Variants in AXDND1 observed in about 807,000 individuals in gnomAD.
AXDND1 encodes axonemal dynein light chain domain-containing protein 1.
In AXDND1, 110 loss-of-function variants were observed where a neutral mutation model predicts 137.5. That is an observed-to-expected ratio of 0.80 (90% CI 0.69 to 0.94). The LOEUF is 0.94. Among genes scored for constraint, AXDND1 ranks in the 40% least tolerant of loss-of-function variants. The pLI is 0.00. For missense variants in AXDND1, 1,191 were observed against 1,169.8 expected (o/e 1.02, Z -0.26); for synonymous variants, 414 against 399.7 (o/e 1.04, Z -0.43).
At chr1:179,444,931 G>A (rs1390564848) in intron 15 of AXDND1, 39 bp from the exon 16 acceptor site, 10 of 1,426,504 alleles carry the variant, frequency 7.0e-6, no homozygotes, top group African/African-American at 1.4e-5. Context: ...ACTCATTAGT[G>A]GATAATATGC....
chr1:179,542,496 G>A (rs1672262226), intron 25 of AXDND1, among the ~76,000 whole-genome samples: 1 of 152,130 alleles, frequency 6.6e-6, no homozygotes, highest in African/African-American at 2.4e-5. Context: ...CTGACAATCA[G>A]TCCTTAGTTT....
At chr1:179,369,888 A>T in intron 3 of AXDND1, 87 bp from the exon 4 acceptor site, 1 of 996,668 alleles carries the variant, frequency 1.0e-6, no homozygotes, top group East Asian at 2.6e-5. Context: ...CTTAATGTAA[A>T]TACAGTACTT....
chr1:179,488,416 T>G (rs12723078), intron 18 of AXDND1, among the ~76,000 whole-genome samples: 73,178 of 146,564 alleles, frequency 0.5, 21,432 homozygotes, highest in East Asian at 0.76. Context: ...ATGTGTGTGG[T>G]TTTTTTTGTT....
intron 21 of AXDND1, among the ~76,000 whole-genome samples, 167 bp downstream of exon 21, chr1:179,509,570 G>A (rs1668834066): frequency 6.6e-6 from 1 of 152,028 alleles, no homozygotes; most frequent in South Asian, 2.1e-4. Context: ...TTCCCTCTAA[G>A]GAATAGAATC....
chr1:179,516,844 T>C (rs909604700), intron 21 of AXDND1, among the ~76,000 whole-genome samples: 2 of 152,162 alleles, frequency 1.3e-5, no homozygotes, highest in Non-Finnish European at 2.9e-5. Flanking sequence ...CCAGCACCTG[T>C]TCTAGTGGAG....
At chr1:179,469,010 A>T (rs1244820926) in intron 17 of AXDND1, among the ~76,000 whole-genome samples, 1 of 151,836 alleles carries the variant, frequency 6.6e-6, no homozygotes, top group Non-Finnish European at 1.5e-5. Context: ...GCTCACTGCA[A>T]CCTCTACCTC....
At chr1:179,497,274 C>T (rs1667536967) in intron 20 of AXDND1, among the ~76,000 whole-genome samples, 1 of 151,990 alleles carries the variant, frequency 6.6e-6, no homozygotes, top group South Asian at 2.1e-4. Flanking sequence ...AGTATTGAAA[C>T]CTTGACTATA....
rs543705768 is a variant in AXDND1 at position 179,393,255 on chromosome 1, T to C, written c.864-648T>C. On this transcript the variant is annotated intron_variant, in intron 9 of 25. Transcript: ENST00000367618. Reference sequence around the variant, plus strand: ...TCCCCACATTATGTTTTTGTATGCTTTGTTGCAGATCAGTTGGCTGTAAGT... The same window carrying C: ...TCCCCACATTATGTTTTTGTATGCTCTGTTGCAGATCAGTTGGCTGTAAGT... 2.0e-5 allele frequency among the ~76,000 whole-genome samples: 3 copies of C among 152,292 alleles called. No individual in the cohort carries two copies. In the East Asian group the frequency reaches 5.8e-4, roughly 29 times the overall value.
intron 16 of AXDND1, chr1:179,451,443 T>A (rs1267935912): frequency 6.6e-6 from 1 of 152,178 alleles, no homozygotes; most frequent in Non-Finnish European, 1.5e-5. Context: ...GAGTCTTAAT[T>A]TTTTCTTGGT....
Position 179,483,222 on chromosome 1 carries a change from G to T in AXDND1, c.2091+1G>T. On this transcript the variant is annotated splice_donor_variant, in intron 18 of 25. Coordinates refer to ENST00000367618, the MANE Select transcript of AXDND1 (RefSeq NM_144696.6). LOFTEE classifies it high-confidence loss of function. ...CGGTAACATTGAACTTCAGCACCAC[G>T]TATGTACTTGTAAGGGTTTTTGACG... is the stretch of plus-strand genomic sequence containing the variant. The T allele has an allele frequency of 2.5e-6, 4 of 1,585,206 alleles. No individual in the cohort carries two copies. Among genetic ancestry groups the T allele is most frequent in the Non-Finnish European group, 3.4e-6 (4 of 1,164,182 alleles).
At chr1:179,374,731 A>G (rs558791443) in intron 4 of AXDND1, among the ~76,000 whole-genome samples, 1 of 151,986 alleles carries the variant, frequency 6.6e-6, no homozygotes, top group African/African-American at 2.4e-5. Context: ...AAGGACAGAA[A>G]ACCAAATACT....
intron 25 of AXDND1, among the ~76,000 whole-genome samples, chr1:179,541,682 TTGCATGATAATA>T (rs1179084904): frequency 4.0e-4 from 59 of 148,304 alleles, no homozygotes; most frequent in South Asian, 2.1e-3. Context: ...CATAATAATA[TTGCATGATAATA>T]TGCATGATAA....
At chr1:179,493,468 T>C (rs932616495) in intron 20 of AXDND1, among the ~76,000 whole-genome samples, 1 of 152,234 alleles carries the variant, frequency 6.6e-6, no homozygotes, top group Non-Finnish European at 1.5e-5. Context: ...CATATTCATA[T>C]GTAAGTCTTT....
chr1:179,411,870 G>T (rs1419156474), intron 12 of AXDND1, among the ~76,000 whole-genome samples: 1 of 151,680 alleles, frequency 6.6e-6, no homozygotes, highest in Non-Finnish European at 1.5e-5. Flanking sequence ...AAAAAAACAG[G>T]GTCTCACTCT....
At chr1:179,373,404 A>T (rs2125054523) in intron 4 of AXDND1, among the ~76,000 whole-genome samples, 1 of 152,328 alleles carries the variant, frequency 6.6e-6, no homozygotes, top group East Asian at 1.9e-4. Context: ...ATACTGCCCA[A>T]GGTAATTTGT....
chr1:179,492,963 G>A lies in AXDND1; in HGVS notation c.2388+12G>A, dbSNP rs1215704675. 1.3e-6 allele frequency: 2 copies of A among 1,537,658 alleles called. No homozygotes were observed. Among genetic ancestry groups the A allele is most frequent in the Non-Finnish European group, 1.8e-6 (2 of 1,133,020 alleles). On this transcript the variant is annotated intron_variant, in intron 20 of 25. Transcript: ENST00000367618. ...TGGATAAGTTGAAGGTAATAACTCT[G>A]TCTTCCCCTTAGTTTTGTTTTTGTT...
intron 20 of AXDND1, 102 bp downstream of exon 20, chr1:179,493,053 T>C (rs1231512103): frequency 2.6e-6 from 2 of 759,160 alleles, no homozygotes; most frequent in Non-Finnish European, 4.2e-6. Flanking sequence ...ATTTAAAGAA[T>C]ACAATCTTAT....
At chr1:179,412,901 A>G (rs1256158050) in intron 12 of AXDND1, among the ~76,000 whole-genome samples, 3 of 152,222 alleles carry the variant, frequency 2.0e-5, no homozygotes, top group African/African-American at 7.2e-5. Flanking sequence ...ATTAAGTACA[A>G]TATTTACTGT....
At chr1:179,536,293 A>G (rs1399658203) in intron 25 of AXDND1, among the ~76,000 whole-genome samples, 1 of 152,168 alleles carries the variant, frequency 6.6e-6, no homozygotes, top group Non-Finnish European at 1.5e-5. Flanking sequence ...GCCCATGCCT[A>G]TGTCCTGAGT....
Sources: allele counts gnomAD v4.1 joint callset (sites outside exome capture counted in the v4.1 genomes callset), GRCh38; gene constraint gnomAD v4.1.1; transcripts MANE v1.5; gene names NCBI Gene and HGNC (gene_info 2026-07-23, HGNC 2026-07-21).